The following STIP1 variants were observed in gnomAD, a reference collection of about 807,000 sequenced individuals.
The protein encoded by STIP1 is stress induced phosphoprotein 1.
In STIP1, 16 loss-of-function variants were observed where a neutral mutation model predicts 77.4. The ratio of observed to expected loss-of-function variants is 0.21; its 90% CI spans 0.14 to 0.31. The LOEUF is 0.31. Among genes scored for constraint, STIP1 ranks in the 10% least tolerant of loss-of-function variants. The pLI is 1.00. For missense variants in STIP1, 524 were observed against 684.8 expected (o/e 0.77, Z 2.62); for synonymous variants, 258 against 246.6 (o/e 1.05, Z -0.44).
chr11:64,197,325 A>G lies in STIP1; in HGVS notation c.727A>G (p.Thr243Ala), dbSNP rs1216007170. The part of the protein sequence containing the change: ...NDAYKKKDFD[T>A]ALKHYDKAKE... ...TGCCTACAAGAAGAAAGACTTTGAC[A>G]CAGCCTTGAAGCATTACGACAAAGC... Residue 243 changes from threonine (T) to alanine (A), a missense_variant, in exon 6 of 14, where the codon ACA becomes GCA. Physicochemically the swap from Thr to Ala is moderately conservative, Grantham distance 58. Coordinates refer to ENST00000305218, the MANE Select transcript of STIP1 (RefSeq NM_006819.3). 1 of 1,614,128 alleles carries G rather than the reference A, an allele frequency of 6.2e-7. No homozygotes were observed. The highest frequency in any genetic ancestry group is 8.5e-7 in the Non-Finnish European group (1 of 1,180,040).
intron 13 of STIP1, 102 bp from the exon 14 acceptor site, chr11:64,203,936 CGCCAGGACCCCTCCCT>C: frequency 2.3e-6 from 3 of 1,276,600 alleles, no homozygotes; most frequent in Non-Finnish European, 3.4e-6. Flanking sequence ...CCCCGGGCCT[CGCCAGGACCCCTCCCT>C]GCCGGGGCCT....
At chr11:64,201,710 G>A (rs933113056) in intron 10 of STIP1, among the ~76,000 whole-genome samples, 4 of 152,170 alleles carry the variant, frequency 2.6e-5, no homozygotes, top group African/African-American at 9.7e-5. Context: ...TTGTGCAAGA[G>A]TCATGTCAAA....
chr11:64,197,736 C>T (rs910041712), intron 7 of STIP1, 118 bp from the exon 8 acceptor site: 3 of 1,551,174 alleles, frequency 1.9e-6, no homozygotes, highest in Non-Finnish European at 2.6e-6. Flanking sequence ...TCACCAGAGA[C>T]AAGACAAAAG....
At chr11:64,202,957 T>A (rs758216983) in intron 11 of STIP1, 45 bp downstream of exon 11, 3 of 1,613,634 alleles carry the variant, frequency 1.9e-6, no homozygotes, top group South Asian at 2.2e-5. Context: ...AGCCAAAAGA[T>A]TAGAGAAGGA....
chr11:64,202,237 T>G (rs961644428), intron 10 of STIP1, among the ~76,000 whole-genome samples: 7 of 152,038 alleles, frequency 4.6e-5, no homozygotes, highest in Non-Finnish European at 8.8e-5. Flanking sequence ...TTTGTTTGTT[T>G]TTATTTTTTT....
At chr11:64,194,816 A>G (rs1344851179) in intron 4 of STIP1, among the ~76,000 whole-genome samples, 196 bp downstream of exon 4, 1 of 152,132 alleles carries the variant, frequency 6.6e-6, no homozygotes, top group Non-Finnish European at 1.5e-5. Flanking sequence ...AGTAATCTAG[A>G]ATGTTCTTTG....
intron 13 of STIP1, 195 bp downstream of exon 13, chr11:64,203,817 G>T: frequency 1.3e-6 from 1 of 794,506 alleles, no homozygotes; most frequent in Non-Finnish European, 2.0e-6. Context: ...GCAGTCATTT[G>T]GAAAGGCCCA....
Position 64,186,256 on chromosome 11 carries a change from T to C in STIP1, c.-6T>C. On this transcript the variant is annotated 5_prime_UTR_variant, in exon 1 of 14. Transcript: ENST00000305218. Reference sequence around the variant, plus strand: ...GATTCAACGGGGTTCCGGACCGCGCTGCGCTATGGAGCAGGTGAAGGGGGA... The same window carrying C: ...GATTCAACGGGGTTCCGGACCGCGCCGCGCTATGGAGCAGGTGAAGGGGGA... The C allele has an allele frequency of 7.2e-7, 1 of 1,398,028 alleles. No individual in the cohort carries two copies. Among genetic ancestry groups the C allele is most frequent in the Non-Finnish European group, 9.5e-7 (1 of 1,052,966 alleles). The allele number at this position is 1,398,028 out of a possible 1,614,324, so 86.6% of individuals were successfully genotyped here.
chr11:64,203,714 G>C, intron 13 of STIP1, 92 bp downstream of exon 13: 1 of 1,502,710 alleles, frequency 6.7e-7, no homozygotes, highest in Non-Finnish European at 9.1e-7. Flanking sequence ...TGCTCAGTCT[G>C]CGAGGAAGAG....
chr11:64,197,512 C>T lies in STIP1; in HGVS notation c.819C>T (p.Gly273=), dbSNP rs774373870. 1.5e-5 allele frequency: 25 copies of T among 1,613,928 alleles called. No homozygotes were observed. The African/African-American group carries it at 2.0e-4, about 13-fold the overall frequency. Residue 273 remains glycine, a synonymous_variant, in exon 7 of 14, where the codon GGC becomes GGT. Coordinates refer to ENST00000305218, the MANE Select transcript of STIP1 (RefSeq NM_006819.3). The part of the protein sequence containing the change: ...TNQAAVYFEK[G]DYNKCRELCE... The stretch of plus-strand genomic sequence containing the variant: ...TGGCAGCGGTATACTTTGAAAAGGG[C>T]GACTACAATAAGTGCCGGGAGCTTT...
intron 13 of STIP1, chr11:64,203,848 TGACTG>T (rs769572583): frequency 3.3e-4 from 254 of 768,876 alleles, no homozygotes; most frequent in Non-Finnish European, 4.7e-4. Context: ...AGAAAGGTCT[TGACTG>T]GAAGCTGTGT....
upstream of STIP1, chr11:64,186,021 G>T (rs1160332152): frequency 1.3e-6 from 2 of 1,545,238 alleles, no homozygotes; most frequent in Non-Finnish European, 1.7e-6. Flanking sequence ...GGGGAGGCAG[G>T]GTTGAGGGAA....
At chr11:64,197,180 A>T in intron 5 of STIP1, 91 bp from the exon 6 acceptor site, 1 of 1,533,486 alleles carries the variant, frequency 6.5e-7, no homozygotes, top group South Asian at 1.2e-5. Context: ...TATTCATGTT[A>T]GTTGCATTTC....
intron 10 of STIP1, 28 bp from the exon 11 acceptor site, chr11:64,202,848 C>G (rs778981010): frequency 4.3e-6 from 7 of 1,614,070 alleles, no homozygotes. Flanking sequence ...GGGAATGAGC[C>G]TAATTTCTTT....
rs773616309 is a variant in STIP1, at chr11:64,202,154, G to A, written c.1246-722G>A. Among the ~76,000 whole-genome samples the A allele has an allele frequency of 9.9e-5, 15 of 152,158 alleles. No individual in the cohort carries two copies. In the East Asian group the frequency reaches 1.9e-3, roughly 20 times the overall value. ...AGACCAAGGCCTGATGCCATCTGCC[G>A]TCTGTCCATCCATACTTAGACTTGC... On this transcript the variant is annotated intron_variant, in intron 10 of 13. Coordinates refer to ENST00000305218, the MANE Select transcript of STIP1 (RefSeq NM_006819.3).
At chr11:64,197,426 A>G in intron 6 of STIP1, 29 bp downstream of exon 6, 1 of 1,614,054 alleles carries the variant, frequency 6.2e-7, no homozygotes, top group Non-Finnish European at 8.5e-7. Context: ...GGGCAAGGGA[A>G]TTGTTGGGTG....
intron 5 of STIP1, among the ~76,000 whole-genome samples, chr11:64,196,395 C>CAAA (rs57497154): frequency 1.3e-4 from 9 of 69,572 alleles, no homozygotes; most frequent in Admixed American, 1.6e-4. Context: ...GACTCCATCT[C>CAAA]AAAAAAAAAA....
At chr11:64,198,753 G>GTTTTTTTTTTTTTTTT (rs371481270) in intron 8 of STIP1, among the ~76,000 whole-genome samples, 3 of 111,028 alleles carry the variant, frequency 2.7e-5, no homozygotes, top group Non-Finnish European at 5.3e-5. Flanking sequence ...TTTTTTTGTG[G>GTTTTTTTTTTTTTTTT]TTTTTTTTTT....
Position 64,186,289 on chromosome 11 carries a change from G to A in STIP1, c.9+19G>A, listed in dbSNP as rs932617255. On this transcript the variant is annotated intron_variant, in intron 1 of 13. Coordinates refer to ENST00000305218, the MANE Select transcript of STIP1 (RefSeq NM_006819.3). ...GGAGCAGGTGAAGGGGGAGGGGCGG[G>A]CTGAGGCCCCGAGCCTGCTCGGGGA... The A allele has an allele frequency of 1.9e-6, 3 of 1,540,210 alleles. No individual in the cohort carries two copies. The highest frequency in any genetic ancestry group is 2.5e-5 in the East Asian group (1 of 40,200).
Sources: gnomAD v4.1 joint callset for allele counts (sites outside exome capture counted in the v4.1 genomes callset) on GRCh38, gnomAD v4.1.1 for gene constraint, MANE v1.5 for transcripts, NCBI Gene and HGNC (gene_info 2026-07-23, HGNC 2026-07-21) for gene names.